The following RFX8 variants were observed in gnomAD, a reference collection of about 807,000 sequenced individuals.
RFX8 encodes DNA-binding protein RFX8.
A neutral mutation model predicts 54.6 loss-of-function variants in RFX8; 46 were observed. That is an observed-to-expected ratio of 0.84 (90% confidence interval 0.67 to 1.08). The LOEUF is 1.08. RFX8 is among the 50% of genes least tolerant of loss of function. RFX8 has a pLI of 0.00. For missense variants in RFX8, 536 were observed against 562.3 expected (o/e 0.95, Z 0.47); for synonymous variants, 192 against 209.5 (o/e 0.92, Z 0.72).
intron 2 of RFX8, among the ~76,000 whole-genome samples, chr2:101,433,337 G>A (rs1400080979): frequency 1.3e-5 from 2 of 152,120 alleles, no homozygotes; most frequent in Non-Finnish European, 2.9e-5. Context: ...CAGGGACAAT[G>A]GAGGAGGGCC....
At chr2:101,468,527 C>T (rs1004279992) in intron 1 of RFX8, among the ~76,000 whole-genome samples, 1 of 151,804 alleles carries the variant, frequency 6.6e-6, no homozygotes, top group Non-Finnish European at 1.5e-5. Flanking sequence ...TGGGCTCGAG[C>T]GCTCCACCCA....
chr2:101,409,904 C>T (rs1232666318), intron 9 of RFX8, among the ~76,000 whole-genome samples: 5 of 152,114 alleles, frequency 3.3e-5, no homozygotes, highest in Admixed American at 3.3e-4. Context: ...TCTCCACTGC[C>T]CCCATGGAGG....
chr2:101,440,730 C>T (rs1401611957), intron 2 of RFX8, among the ~76,000 whole-genome samples: 1 of 152,196 alleles, frequency 6.6e-6, no homozygotes, highest in Non-Finnish European at 1.5e-5. Flanking sequence ...TCTACTGGAT[C>T]TCTGCAAGTG....
intron 8 of RFX8, among the ~76,000 whole-genome samples, chr2:101,412,522 G>T (rs1260989589): frequency 6.6e-6 from 1 of 152,210 alleles, no homozygotes; most frequent in African/African-American, 2.4e-5. Context: ...CAGACATCTA[G>T]CTCAAGGCAG....
At position 101,406,029 on chromosome 2, in the gene RFX8, T is replaced by G. The variant is rs972829377; in HGVS notation, c.842A>C (p.Lys281Thr). 29 of 1,548,048 alleles carry G rather than the reference T, an allele frequency of 1.9e-5. No homozygotes were observed. Among genetic ancestry groups the G allele is most frequent in the Non-Finnish European group, 2.4e-5 (28 of 1,145,420 alleles). ...TCTCAGCTGGAAGCTGGCGGCCAATTTGGTAAACTCTTCTTTGCTTCTGCT... is the reference window on the plus strand; with the variant it reads ...TCTCAGCTGGAAGCTGGCGGCCAATGTGGTAAACTCTTCTTTGCTTCTGCT... ...QTSRSKEEFT[K>T]LAASFQLRWN... The change falls in exon 10 of 12, where the codon AAA becomes ACA. Residue 281 changes from lysine to threonine, a missense_variant. By Grantham distance (78) the Lys-to-Thr change is moderately conservative. Transcript: ENST00000428343.
intron 2 of RFX8, among the ~76,000 whole-genome samples, chr2:101,463,120 A>G (rs1689372472): frequency 1.3e-5 from 2 of 152,306 alleles, no homozygotes; most frequent in South Asian, 4.1e-4. Flanking sequence ...CAGCCTCTGT[A>G]TGACAGGATG....
intron 2 of RFX8, among the ~76,000 whole-genome samples, chr2:101,448,243 A>G (rs1688498079): frequency 6.6e-6 from 1 of 152,094 alleles, no homozygotes; most frequent in Non-Finnish European, 1.5e-5. Context: ...ATTCCACCCT[A>G]TTTCTCAAAG....
At chr2:101,428,248 AAAC>A (rs749177953) in intron 2 of RFX8, among the ~76,000 whole-genome samples, 38 of 152,344 alleles carry the variant, frequency 2.5e-4, no homozygotes, top group Non-Finnish European at 4.4e-4. Context: ...TTCCATCTCA[AAAC>A]AACAACAACA....
intron 2 of RFX8, among the ~76,000 whole-genome samples, chr2:101,465,393 C>T (rs562101032): frequency 8.5e-5 from 13 of 152,076 alleles, no homozygotes; most frequent in Non-Finnish European, 1.5e-4. Context: ...GCCTGTAGTC[C>T]CAGATACTTG....
Position 101,466,797 on chromosome 2 carries a change from T to G in RFX8, c.52A>C (p.Asn18His). 1 of 1,551,594 alleles carries G rather than the reference T, an allele frequency of 6.4e-7. No homozygotes were observed. The highest frequency in any genetic ancestry group is 2.4e-5 in the East Asian group (1 of 40,920). Residue 18 changes from asparagine to histidine, a missense_variant, in exon 2 of 12, where the codon AAC becomes CAC. Asn to His is a moderately conservative substitution (Grantham distance 68, BLOSUM62 1). Transcript: ENST00000428343. ...CTTACCTTCCCAAAGGTGGCCGGGT[T>G]GACTTGGTTCTCAGTGTTTTGCCCA... ...TCGQNTENQV[N>H]PATFGKCEDH...
intron 1 of RFX8, chr2:101,474,179 G>C: frequency 4.8e-6 from 3 of 625,112 alleles, no homozygotes; most frequent in Non-Finnish European, 8.5e-6. Context: ...CCATCCCAGC[G>C]TCCCAGGCGC....
intron 2 of RFX8, among the ~76,000 whole-genome samples, chr2:101,440,054 A>G (rs1031027947): frequency 6.6e-6 from 1 of 152,002 alleles, no homozygotes; most frequent in African/African-American, 2.4e-5. Context: ...GCTTTTCCAT[A>G]TAACTTTTTA....
At chr2:101,467,262 G>A (rs146835261) in intron 1 of RFX8, among the ~76,000 whole-genome samples, 2 of 152,282 alleles carry the variant, frequency 1.3e-5, no homozygotes, top group African/African-American at 2.4e-5. Flanking sequence ...CTACAAAGTG[G>A]AGAATTATTT....
At chr2:101,454,246 A>G (rs1453883270) in intron 2 of RFX8, among the ~76,000 whole-genome samples, 4 of 152,154 alleles carry the variant, frequency 2.6e-5, no homozygotes, top group African/African-American at 9.7e-5. Flanking sequence ...TTATGGCTGC[A>G]TAGTATTCCA....
At chr2:101,424,616 C>T (rs1346443722) in intron 2 of RFX8, among the ~76,000 whole-genome samples, 2 of 152,154 alleles carry the variant, frequency 1.3e-5, no homozygotes, top group African/African-American at 4.8e-5. Context: ...TGGAACCAAC[C>T]TAAATGTCCA....
At chr2:101,401,205 A>G (rs1362687777) in intron 11 of RFX8, among the ~76,000 whole-genome samples, 1 of 152,226 alleles carries the variant, frequency 6.6e-6, no homozygotes, top group Non-Finnish European at 1.5e-5. Context: ...TGAGAAACAA[A>G]GACCAAATAC....
At position 101,402,609 on chromosome 2, in the gene RFX8, G is replaced by A; in HGVS notation, c.1072C>T (p.Gln358Ter). 2 of 1,552,158 alleles carry A rather than the reference G, an allele frequency of 1.3e-6. No individual in the cohort carries two copies. The highest frequency in any genetic ancestry group is 1.7e-6 in the Non-Finnish European group (2 of 1,147,130). The change falls in exon 11 of 12, where the codon CAG (glutamine) becomes TAG (stop). Residue 358 changes from glutamine (Q) to a stop codon, truncating the protein, a stop_gained. Coordinates refer to ENST00000428343, the MANE Select transcript of RFX8 (RefSeq NM_001145664.2). LOFTEE classifies it high-confidence loss of function. ...PDDPTLGQPD[Q>*]ALFHSLNSSL... ...GAATTCAGAGAATGGAAAAGTGCCT[G>A]GTCTGGCTGGCCGAGAGTCGGGTCA... is the stretch of plus-strand genomic sequence containing the variant.
At chr2:101,461,034 C>T (rs1262835441) in intron 2 of RFX8, among the ~76,000 whole-genome samples, 2 of 150,738 alleles carry the variant, frequency 1.3e-5, no homozygotes, top group South Asian at 2.1e-4. Flanking sequence ...TTTGGGAGGC[C>T]GAGGTGGGCA....
At chr2:101,460,098 A>C (rs1689186251) in intron 2 of RFX8, among the ~76,000 whole-genome samples, 1 of 152,206 alleles carries the variant, frequency 6.6e-6, no homozygotes, top group African/African-American at 2.4e-5. Flanking sequence ...AGACCTTGGG[A>C]GAAGTGCAGT....
Sources: allele counts gnomAD v4.1 joint callset (sites outside exome capture counted in the v4.1 genomes callset), GRCh38; gene constraint gnomAD v4.1.1; transcripts MANE v1.5; gene names NCBI Gene and HGNC (gene_info 2026-07-23, HGNC 2026-07-21).